The following CATSPERB variants were observed in gnomAD, a reference collection of about 807,000 sequenced individuals.
CATSPERB encodes the protein cation channel sperm-associated auxiliary subunit beta.
Under a neutral mutation model 128.3 loss-of-function variants are expected in CATSPERB, and 93 were observed. The ratio of observed to expected loss-of-function variants is 0.72; its 90% CI spans 0.61 to 0.86. The LOEUF (loss-of-function observed/expected upper bound fraction) is 0.86, where lower values mean the gene tolerates loss of function less well. CATSPERB is among the 40% of genes least tolerant of loss of function. The pLI is 0.00. For missense variants in CATSPERB, 1,153 were observed against 1,329.5 expected (o/e 0.87, Z 2.06); for synonymous variants, 381 against 448.8 (o/e 0.85, Z 1.91).
At chr14:91,695,228 C>A (rs573916183) in intron 7 of CATSPERB, among the ~76,000 whole-genome samples, 1 of 150,966 alleles carries the variant, frequency 6.6e-6, no homozygotes, top group African/African-American at 2.4e-5. Context: ...CTCCCAGGTT[C>A]GAGCAATTCT....
intron 13 of CATSPERB, 95 bp downstream of exon 13, chr14:91,672,772 G>A (rs1895120725): frequency 2.0e-6 from 2 of 988,818 alleles, no homozygotes; most frequent in Admixed American, 2.8e-5. Context: ...AGGTTCTATT[G>A]CCAGACATAA....
In CATSPERB at chr14:91,690,831, G is replaced by A. The variant is rs1215066869; in HGVS notation, c.864+692C>T. ...CAGGCAGATTCAGTGCCTGGCGAGG[G>A]CCACCTTTCTGGTCCATAGCCATCT... On this transcript the variant is annotated intron_variant, in intron 10 of 26. Coordinates refer to ENST00000256343, the MANE Select transcript of CATSPERB (RefSeq NM_024764.4). Among the ~76,000 whole-genome samples the A allele has an allele frequency of 3.3e-5, 5 of 152,248 alleles. No individual in the cohort carries two copies. The East Asian group carries it at 7.7e-4, about 23-fold the overall frequency.
intron 14 of CATSPERB, 137 bp from the exon 15 acceptor site, chr14:91,660,118 A>T (rs10136194): frequency 0.064 from 10,094 of 158,014 alleles, 218 homozygotes; most frequent in African/African-American, 0.21. Flanking sequence ...TCTCTCTCTC[A>T]CACACACACA....
chr14:91,658,419 G>A (rs1439419353), intron 15 of CATSPERB, among the ~76,000 whole-genome samples: 1 of 151,774 alleles, frequency 6.6e-6, no homozygotes, highest in Non-Finnish European at 1.5e-5. Context: ...GGGGGAGAAT[G>A]GCGATGGTTA....
chr14:91,664,517 C>A (rs554557019), intron 14 of CATSPERB, among the ~76,000 whole-genome samples: 12 of 152,034 alleles, frequency 7.9e-5, no homozygotes, highest in Admixed American at 7.9e-4. Context: ...CCACCCGCCT[C>A]GGCCTCCCAA....
chr14:91,615,396 A>G lies in CATSPERB; in HGVS notation c.2400+2201T>C, dbSNP rs539736106. Among the ~76,000 whole-genome samples the G allele has an allele frequency of 4.6e-5, 7 of 152,334 alleles. No homozygotes were observed. The South Asian group carries it at 6.2e-4, about 14-fold the overall frequency. On this transcript the variant is annotated intron_variant, in intron 20 of 26. Transcript: ENST00000256343. ...CCATTCCATGGAAAAACTGTCCTCC[A>G]TGAAACTGGTTCCTGGTGCCAAAAA...
chr14:91,610,257 GATA>G (rs1893799397), intron 21 of CATSPERB, among the ~76,000 whole-genome samples: 1 of 152,086 alleles, frequency 6.6e-6, no homozygotes, highest in African/African-American at 2.4e-5. Context: ...AGTGTAAAAT[GATA>G]ATAATAATGA....
At chr14:91,661,524 CATAT>C (rs58330624) in intron 14 of CATSPERB, among the ~76,000 whole-genome samples, 3,951 of 127,036 alleles carry the variant, frequency 0.031, 185 homozygotes, top group African/African-American at 0.08. Context: ...CAGATGCTAT[CATAT>C]ATATATATAT....
intron 15 of CATSPERB, among the ~76,000 whole-genome samples, chr14:91,646,533 G>C (rs746187537): frequency 6.6e-6 from 1 of 152,174 alleles, no homozygotes; most frequent in African/African-American, 2.4e-5. Context: ...CTCTCAGTAA[G>C]AGTCAAAATC....
At chr14:91,590,650 G>GTTTGT (rs1190879421) in intron 23 of CATSPERB, among the ~76,000 whole-genome samples, 1 of 150,186 alleles carries the variant, frequency 6.7e-6, no homozygotes, top group African/African-American at 2.5e-5. Flanking sequence ...TTTTTTGTTT[G>GTTTGT]TTTGTTTTGT....
At chr14:91,608,616 A>G (rs556726728) in intron 21 of CATSPERB, among the ~76,000 whole-genome samples, 99 of 123,102 alleles carry the variant, frequency 8.0e-4, no homozygotes, top group African/African-American at 3.1e-3. Context: ...AATAAGTGAA[A>G]AAACTGCCAT....
intron 20 of CATSPERB, among the ~76,000 whole-genome samples, chr14:91,612,206 T>G (rs1893847554): frequency 6.6e-6 from 1 of 152,148 alleles, no homozygotes; most frequent in South Asian, 2.1e-4. Context: ...ACTATAGATG[T>G]GTGCCACCAC....
At chr14:91,603,199 A>G (rs1434843082) in intron 22 of CATSPERB, 2 of 805,816 alleles carry the variant, frequency 2.5e-6, no homozygotes, top group Non-Finnish European at 2.3e-6. Flanking sequence ...TTTCTTCATG[A>G]GGGTGTTTCA....
At chr14:91,607,489 C>A (rs966585468) in intron 22 of CATSPERB, among the ~76,000 whole-genome samples, 3 of 152,016 alleles carry the variant, frequency 2.0e-5, no homozygotes, top group Non-Finnish European at 2.9e-5. Context: ...GGAAATATGC[C>A]CAGCATATTG....
chr14:91,622,036 T>C, intron 18 of CATSPERB, 99 bp from the exon 19 acceptor site: 2 of 741,734 alleles, frequency 2.7e-6, no homozygotes, highest in Non-Finnish European at 4.3e-6. Flanking sequence ...TTTGAGTTTT[T>C]AAACTATCTC....
chr14:91,668,271 C>T (rs1462446032), intron 14 of CATSPERB, among the ~76,000 whole-genome samples: 21 of 152,202 alleles, frequency 1.4e-4, no homozygotes, highest in South Asian at 6.2e-4. Context: ...CACCAATCCA[C>T]GCTCTGTGTC....
Position 91,605,124 on chromosome 14 carries a change from G to A in CATSPERB, c.2709+3170C>T, listed in dbSNP as rs1482466989. Reference sequence around the variant, plus strand: ...CCTTTGGGAGGGGTGGAAGAATCAGGGCTGTCCTAAATAAGCAGATCCACG... The same window carrying A: ...CCTTTGGGAGGGGTGGAAGAATCAGAGCTGTCCTAAATAAGCAGATCCACG... On this transcript the variant is annotated intron_variant, in intron 22 of 26. Coordinates refer to ENST00000256343, the MANE Select transcript of CATSPERB (RefSeq NM_024764.4). 3 of 1,272,750 alleles carry A rather than the reference G, an allele frequency of 2.4e-6. No individual in the cohort carries two copies. In the East Asian group the frequency reaches 7.0e-5, roughly 30 times the overall value. 78.8% of individuals were successfully genotyped at this position (1,272,750 alleles called of 1,614,324 possible). A position where few individuals can be genotyped will look rare whatever the true frequency, so the allele number is the denominator to read the frequency against.
At chr14:91,586,571 A>AGAGAGAGAGAGAGAGAGAGAGAG (rs374162982) in intron 26 of CATSPERB, among the ~76,000 whole-genome samples, 1 of 114,194 alleles carries the variant, frequency 8.8e-6, no homozygotes, top group African/African-American at 3.6e-5. Context: ...GAGAGAGAGA[A>AGAGAGAGAGAGAGAGAGAGAGAG]AGAGAGAGAG....
chr14:91,581,040 A>C lies in CATSPERB; in HGVS notation c.3200T>G (p.Val1067Gly). 1 of 1,614,244 alleles carries C rather than the reference A, an allele frequency of 6.2e-7. No homozygotes were observed. Among genetic ancestry groups the C allele is most frequent in the South Asian group, 1.1e-5 (1 of 91,088 alleles). The change falls in exon 27 of 27, where the codon GTG (valine) becomes GGG (glycine). Residue 1067 changes from valine (V) to glycine (G), a missense_variant. Transcript: ENST00000256343. ...HTLIAVATAVVLGGLIFIAFM... is the reference protein window; with the variant it reads ...HTLIAVATAVGLGGLIFIAFM... ...TGCTATAAAAATTAATCCCCCTAGC[A>C]CTACCGCTGTTGCCACGGCAATAAG...
Sources: allele counts gnomAD v4.1 joint callset (sites outside exome capture counted in the v4.1 genomes callset), GRCh38; gene constraint gnomAD v4.1.1; transcripts MANE v1.5; gene names NCBI Gene and HGNC (gene_info 2026-07-23, HGNC 2026-07-21).